The following TG variants were observed in gnomAD, a reference collection of about 807,000 sequenced individuals.
The protein encoded by TG is thyroid hormones.
In TG, 270 loss-of-function variants were observed where a neutral mutation model predicts 324.7. The ratio of observed to expected loss-of-function variants is 0.83; its 90% CI spans 0.75 to 0.92. The LOEUF is 0.92. Ranked by LOEUF, TG falls within the 40% of genes least tolerant of loss-of-function variation. The pLI, the probability that TG is intolerant of heterozygous loss-of-function variation, is 0.00. For synonymous variants in TG, 1,401 were observed against 1,327.0 expected (o/e 1.06, Z -1.21); for missense variants, 3,591 against 3,456.4 (o/e 1.04, Z -0.98).
intron 29 of TG, among the ~76,000 whole-genome samples, 194 bp from the exon 30 acceptor site, chr8:132,966,366 C>T (rs1297505015): frequency 6.6e-6 from 1 of 152,102 alleles, no homozygotes; most frequent in Non-Finnish European, 1.5e-5. Flanking sequence ...CCTGTCTGAC[C>T]CAACTCCCAG....
intron 45 of TG, among the ~76,000 whole-genome samples, chr8:133,117,208 G>A (rs1016626668): frequency 1.3e-5 from 2 of 152,200 alleles, no homozygotes; most frequent in African/African-American, 4.8e-5. Flanking sequence ...TAAGGTGCAA[G>A]TGAAAGGAAA....
chr8:133,127,441 A>G (rs1433413509), intron 45 of TG, among the ~76,000 whole-genome samples: 1 of 152,156 alleles, frequency 6.6e-6, no homozygotes. Flanking sequence ...TGGAGACATT[A>G]TGTGAAAAGG....
chr8:133,038,925 T>C (rs1426427646), intron 41 of TG, among the ~76,000 whole-genome samples: 1 of 152,250 alleles, frequency 6.6e-6, no homozygotes, highest in Non-Finnish European at 1.5e-5. Flanking sequence ...TTGCCCAGGC[T>C]GGAGTGCAGT....
At position 133,133,566 on chromosome 8, in the gene TG, G is replaced by T. The variant is rs1305625392; in HGVS notation, c.8094G>T (p.Lys2698Asn). The change falls in exon 47 of 48, where the codon AAG becomes AAT. Residue 2698 changes from lysine to asparagine, a missense_variant. Transcript: ENST00000220616. ...CCCGTGCTGGTGGAGAGAACTACAA[G>T]GAGTTCAGTGAGCTGCTCCCCAATC... The part of the protein sequence containing the change: ...FVPRAGGENY[K>N]EFSELLPNRQ... The T allele has an allele frequency of 6.2e-7, 1 of 1,614,070 alleles. No homozygotes were observed. Among genetic ancestry groups the T allele is most frequent in the Non-Finnish European group, 8.5e-7 (1 of 1,180,044 alleles).
At chr8:132,981,717 ACT>A (rs1830875288) in intron 34 of TG, among the ~76,000 whole-genome samples, 1 of 152,106 alleles carries the variant, frequency 6.6e-6, no homozygotes. Flanking sequence ...GGAATCAGAC[ACT>A]CTGGGGTGGG....
intron 41 of TG, among the ~76,000 whole-genome samples, chr8:133,084,042 C>G (rs1846133683): frequency 6.6e-6 from 1 of 152,184 alleles, no homozygotes; most frequent in Non-Finnish European, 1.5e-5. Context: ...GAGGCCATTC[C>G]CACCCACCAG....
At chr8:132,872,756 A>T (rs1157534068) in intron 4 of TG, among the ~76,000 whole-genome samples, 1 of 152,214 alleles carries the variant, frequency 6.6e-6, no homozygotes, top group South Asian at 2.1e-4. Flanking sequence ...ATGCTTAGGT[A>T]TGTCTAGATA....
intron 21 of TG, among the ~76,000 whole-genome samples, chr8:132,921,029 G>C (rs1821031757): frequency 6.6e-6 from 1 of 152,144 alleles, no homozygotes; most frequent in Non-Finnish European, 1.5e-5. Context: ...GTCCTCACAT[G>C]GTCTTTGCTT....
intron 39 of TG, among the ~76,000 whole-genome samples, chr8:133,020,913 GTGTC>G (rs1426798845): frequency 6.6e-6 from 1 of 152,196 alleles, no homozygotes; most frequent in Non-Finnish European, 1.5e-5. Flanking sequence ...AAACATCTGT[GTGTC>G]TGTCTGAGGC....
At chr8:133,053,330 A>AT (rs1177714041) in intron 41 of TG, among the ~76,000 whole-genome samples, 11 of 152,242 alleles carry the variant, frequency 7.2e-5, no homozygotes, top group African/African-American at 2.7e-4. Context: ...GGAGGGCAGA[A>AT]TACTGGTGTC....
chr8:133,055,698 G>A (rs1034607344), intron 41 of TG, among the ~76,000 whole-genome samples: 3 of 152,154 alleles, frequency 2.0e-5, no homozygotes, highest in Admixed American at 2.0e-4. Flanking sequence ...CAGAACAGAA[G>A]CAAGAAATAG....
chr8:132,914,236 G>C (rs911432325), intron 20 of TG, among the ~76,000 whole-genome samples: 3 of 152,188 alleles, frequency 2.0e-5, no homozygotes, highest in African/African-American at 4.8e-5. Context: ...ATATCTTTGG[G>C]GGGACCTTTG....
At chr8:133,017,066 C>A (rs980512966) in intron 37 of TG, among the ~76,000 whole-genome samples, 5 of 152,156 alleles carry the variant, frequency 3.3e-5, no homozygotes, top group Admixed American at 2.0e-4. Context: ...CTGGTCCCAA[C>A]CCTTTGTGCA....
At chr8:132,898,674 C>T (rs774344913) in intron 13 of TG, 124 bp from the exon 14 acceptor site, 2 of 780,250 alleles carry the variant, frequency 2.6e-6, no homozygotes, top group Admixed American at 4.0e-5. Context: ...GAGATTCTAC[C>T]TCTCTATGAA....
At chr8:132,987,947 C>T (rs1438800929) in intron 35 of TG, among the ~76,000 whole-genome samples, 1 of 152,070 alleles carries the variant, frequency 6.6e-6, no homozygotes, top group Non-Finnish European at 1.5e-5. Flanking sequence ...GTACTCAAGA[C>T]AGGTGCATGA....
chr8:132,870,241 T>C (rs1212803106), intron 3 of TG, among the ~76,000 whole-genome samples: 1 of 151,728 alleles, frequency 6.6e-6, no homozygotes, highest in Non-Finnish European at 1.5e-5. Flanking sequence ...CAGTCCCTAT[T>C]TAAAGCATGT....
At chr8:133,057,487 C>T (rs931984880) in intron 41 of TG, among the ~76,000 whole-genome samples, 1 of 152,170 alleles carries the variant, frequency 6.6e-6, no homozygotes, top group African/African-American at 2.4e-5. Context: ...TAACCCCAAA[C>T]AGAGTTTTTA....
chr8:132,946,637 C>T (rs1272210650), intron 26 of TG, among the ~76,000 whole-genome samples: 2 of 152,148 alleles, frequency 1.3e-5, no homozygotes, highest in African/African-American at 4.8e-5. Context: ...TCTCTAGCCT[C>T]CTCCAATCTC....
rs1367231982 is a variant in TG at position 133,022,137 on chromosome 8, C to T, written c.7023C>T (p.Gly2341=). Residue 2341 remains glycine, a synonymous_variant, in exon 40 of 48, where the codon GGC becomes GGT. Coordinates refer to ENST00000220616, the MANE Select transcript of TG (RefSeq NM_003235.5). ...VTASYRVGVF[G]FLSSGSGEVS... ...CCAGCTACCGAGTGGGTGTCTTCGG[C>T]TTCCTGAGTTCTGGTGAGTTGCTGC... The T allele has an allele frequency of 1.7e-5, 28 of 1,614,028 alleles. No homozygotes were observed. Among genetic ancestry groups the T allele is most frequent in the Non-Finnish European group, 2.3e-5 (27 of 1,180,046 alleles).
Sources: allele counts gnomAD v4.1 joint callset (sites outside exome capture counted in the v4.1 genomes callset), GRCh38; gene constraint gnomAD v4.1.1; transcripts MANE v1.5; gene names NCBI Gene and HGNC (gene_info 2026-07-23, HGNC 2026-07-21).